Variants in TMPRSS9 observed in about 807,000 individuals in gnomAD.
TMPRSS9 encodes the protein transmembrane serine protease 9.
In TMPRSS9, 113 loss-of-function variants were observed where a neutral mutation model predicts 111.4. The ratio of observed to expected loss-of-function variants is 1.01; its 90% CI spans 0.87 to 1.19. The LOEUF (loss-of-function observed/expected upper bound fraction) is 1.19, where lower values mean the gene tolerates loss of function less well. Among genes scored for constraint, TMPRSS9 ranks in the 50% most tolerant of loss-of-function variants. The probability of loss-of-function intolerance (pLI) is 0.00; values close to 1 mark genes in which losing one functional copy is unlikely to be tolerated. For synonymous variants in TMPRSS9, 805 were observed against 659.1 expected (o/e 1.22, Z -3.39); for missense variants, 1,803 against 1,513.1 (o/e 1.19, Z -3.18).
At chr19:2,398,852 C>T (rs1436406614) in exon 3 of TMPRSS9, 10 of 1,518,436 alleles carry the variant, frequency 6.6e-6, no homozygotes, top group Non-Finnish European at 7.0e-6. Context: ...TTGCTCGGTA[C>T]TGAATTATAG....
chr19:2,411,683 C>T (rs1971100135), intron 9 of TMPRSS9, among the ~76,000 whole-genome samples: 1 of 152,090 alleles, frequency 6.6e-6, no homozygotes, highest in Non-Finnish European at 1.5e-5. Context: ...TCCCGAGTAG[C>T]TGGAATAACA....
Position 2,378,108 on chromosome 19 carries a change from G to A in TMPRSS9, c.-25-11653G>A, listed in dbSNP as rs546088558. Among the ~76,000 whole-genome samples the A allele has an allele frequency of 2.0e-5, 3 of 152,104 alleles. No homozygotes were observed. In the East Asian group the frequency reaches 5.8e-4, roughly 29 times the overall value. ...TTGCCCAGGCTGGTCTCAAACTCCT[G>A]GCCTCAAGCAATTCTCTTGCCTTGG... On this transcript the variant is annotated intron_variant, in intron 1 of 17. Coordinates refer to the TMPRSS9 transcript ENST00000649857.
chr19:2,386,647 G>A (rs1020678445), upstream of TMPRSS9, among the ~76,000 whole-genome samples: 6 of 152,190 alleles, frequency 3.9e-5, no homozygotes, highest in Non-Finnish European at 7.3e-5. Flanking sequence ...CTGCTTTAGC[G>A]TGACAATGGG....
chr19:2,362,368 C>A (rs1180758841), intron 1 of TMPRSS9, among the ~76,000 whole-genome samples: 1 of 148,634 alleles, frequency 6.7e-6, no homozygotes, highest in Non-Finnish European at 1.5e-5. Flanking sequence ...GACTGTGCAG[C>A]CATGTGTGTC....
chr19:2,401,904 G>A (rs368890181), intron 4 of TMPRSS9, 71 bp from the exon 6 acceptor site: 146 of 1,417,284 alleles, frequency 1.0e-4, no homozygotes, highest in African/African-American at 4.0e-4. Flanking sequence ...CACCGCGCCC[G>A]GCCAATAGGA....
intron 6 of TMPRSS9, among the ~76,000 whole-genome samples, chr19:2,404,359 G>C (rs1970923795): frequency 1.3e-5 from 2 of 151,940 alleles, no homozygotes; most frequent in Admixed American, 1.3e-4. Flanking sequence ...AAAATAAAAT[G>C]AATCAAGAAA....
chr19:2,401,638 C>T (rs535063401), intron 4 of TMPRSS9, among the ~76,000 whole-genome samples: 8 of 151,966 alleles, frequency 5.3e-5, no homozygotes, highest in African/African-American at 1.9e-4. Flanking sequence ...GATGGAGTCT[C>T]GCTCTGTCGC....
intron 17 of TMPRSS9, 23 bp from the exon 19 acceptor site, chr19:2,425,904 C>T: frequency 4.5e-6 from 7 of 1,567,028 alleles, no homozygotes; most frequent in Non-Finnish European, 6.0e-6. Flanking sequence ...GCCTCTGAAC[C>T]CCCTTTCTTC....
At position 2,365,295 on chromosome 19, in the gene TMPRSS9, C is replaced by T. The variant is rs534043965; in HGVS notation, c.-26+4935C>T. ...GCTGCAAATAGTTTTCTCACAAACA[C>T]CTCTTCCCATGAAAGCCTAACAAAA... On this transcript the variant is annotated intron_variant, in intron 1 of 17. Transcript: ENST00000649857. Among the ~76,000 whole-genome samples the T allele has an allele frequency of 1.2e-4, 19 of 152,058 alleles. 1 individual carries two copies. The South Asian group carries it at 3.7e-3, about 30-fold the overall frequency.
intron 15 of TMPRSS9, among the ~76,000 whole-genome samples, chr19:2,424,535 C>G (rs995501592): frequency 3.2e-5 from 4 of 125,958 alleles, no homozygotes; most frequent in African/African-American, 7.1e-5. Context: ...GAAGCTGCGG[C>G]CCCCCCCCTC....
At chr19:2,392,621 T>C (rs758750641) in intron 1 of TMPRSS9, among the ~76,000 whole-genome samples, 22 of 152,178 alleles carry the variant, frequency 1.4e-4, no homozygotes, top group Non-Finnish European at 1.3e-4. Context: ...AGAATTGTTA[T>C]GTCTAGCTGG....
intron 1 of TMPRSS9, among the ~76,000 whole-genome samples, chr19:2,391,740 CTT>C (rs111240493): frequency 3.8e-5 from 5 of 132,934 alleles, no homozygotes; most frequent in Admixed American, 1.6e-4. Context: ...GAAAGGAAGT[CTT>C]TTTTTTTTTT....
intron 16 of TMPRSS9, 37 bp from the exon 18 acceptor site, chr19:2,425,320 G>A (rs780534918): frequency 3.5e-5 from 45 of 1,287,156 alleles, no homozygotes; most frequent in Non-Finnish European, 2.3e-5. Context: ...GGCCGGACGC[G>A]GTCCCCACCC....
At chr19:2,401,138 G>A (rs1018940570) in intron 4 of TMPRSS9, among the ~76,000 whole-genome samples, 1 of 152,236 alleles carries the variant, frequency 6.6e-6, no homozygotes, top group South Asian at 2.1e-4. Flanking sequence ...GCCGGGCGTG[G>A]TGGCGGGCGC....
chr19:2,393,930 C>T (rs952586717), intron 1 of TMPRSS9, among the ~76,000 whole-genome samples: 4 of 138,012 alleles, frequency 2.9e-5, no homozygotes, highest in South Asian at 2.3e-4. Context: ...AAGCTGGGCG[C>T]GGTGGCTCCC....
rs570701092 is a variant in TMPRSS9, at chr19:2,401,188, A to G, written c.515-787A>G. On this transcript the variant is annotated intron_variant, in intron 4 of 17. Coordinates refer to ENST00000648592, the Ensembl canonical transcript of TMPRSS9. Reference sequence around the variant, plus strand: ...GCTTGGGACGCTGAGGCAGGAGAATAGCGTGAACCCGGGAGGCGGAGCTTG... The same window carrying G: ...GCTTGGGACGCTGAGGCAGGAGAATGGCGTGAACCCGGGAGGCGGAGCTTG... Among the ~76,000 whole-genome samples the G allele has an allele frequency of 1.2e-3, 189 of 151,956 alleles. 1 individual carries two copies. The highest frequency in any genetic ancestry group is 3.5e-3 in the Admixed American group (54 of 15,248).
At chr19:2,382,482 G>A (rs1484739728) in intron 1 of TMPRSS9, among the ~76,000 whole-genome samples, 2 of 152,268 alleles carry the variant, frequency 1.3e-5, no homozygotes, top group Non-Finnish European at 2.9e-5. Flanking sequence ...TTGCACAAGA[G>A]AGACATACTT....
At chr19:2,373,869 T>A (rs911358928) in intron 1 of TMPRSS9, among the ~76,000 whole-genome samples, 2 of 152,236 alleles carry the variant, frequency 1.3e-5, no homozygotes, top group African/African-American at 2.4e-5. Flanking sequence ...GCCAACTTTT[T>A]GCGAAACTAA....
chr19:2,424,116 C>G, exon 15 of TMPRSS9: 1 of 1,367,918 alleles, frequency 7.3e-7, no homozygotes, highest in Non-Finnish European at 9.5e-7. Context: ...GCCGCGCTCA[C>G]CAGGATTGTG....
Sources: allele counts gnomAD v4.1 joint callset (sites outside exome capture counted in the v4.1 genomes callset), GRCh38; gene constraint gnomAD v4.1.1; transcripts MANE v1.5; gene names NCBI Gene and HGNC (gene_info 2026-07-23, HGNC 2026-07-21).